KIF9: variants seen among roughly 807,000 people sequenced by gnomAD.
The protein encoded by KIF9 is kinesin-like protein KIF9.
In KIF9, 68 loss-of-function variants were observed where a neutral mutation model predicts 94.8. That is an observed-to-expected ratio of 0.72 (90% confidence interval 0.59 to 0.88). KIF9 has a LOEUF of 0.88. KIF9 is among the 40% of genes least tolerant of loss of function. The probability of loss-of-function intolerance (pLI) is 0.00; values close to 1 mark genes in which losing one functional copy is unlikely to be tolerated. For missense variants in KIF9, 882 were observed against 982.5 expected (o/e 0.90, Z 1.37); for synonymous variants, 343 against 362.1 (o/e 0.95, Z 0.60).
chr3:47,277,438 GA>G, intron 1 of KIF9, 59 bp from the exon 2 acceptor site: 2 of 1,119,784 alleles, frequency 1.8e-6, no homozygotes, highest in South Asian at 2.5e-5. Context: ...AAGTAGAGGA[GA>G]GGGGTCATTC....
intron 20 of KIF9, among the ~76,000 whole-genome samples, chr3:47,232,190 G>A (rs1259152839): frequency 2.6e-5 from 4 of 152,326 alleles, no homozygotes; most frequent in East Asian, 1.9e-4. Context: ...CCTCTGAAGC[G>A]GAGGGCAAAC....
intron 5 of KIF9, among the ~76,000 whole-genome samples, chr3:47,268,301 T>C (rs1351022343): frequency 6.6e-6 from 1 of 152,136 alleles, no homozygotes; most frequent in Non-Finnish European, 1.5e-5. Flanking sequence ...AAATGGCTGT[T>C]CTTGGAGAAA....
Position 47,273,586 on chromosome 3 carries a change from T to C in KIF9, c.332A>G (p.Lys111Arg), listed in dbSNP as rs767842457. The C allele has an allele frequency of 3.1e-6, 5 of 1,612,912 alleles. No homozygotes were observed. Among genetic ancestry groups the C allele is most frequent in the Non-Finnish European group, 4.2e-6 (5 of 1,179,286 alleles). Residue 111 changes from lysine to arginine, a missense_variant, in exon 4 of 21, where the codon AAG becomes AGG. Physicochemically the swap from Lys to Arg is conservative, Grantham distance 26 (BLOSUM62 2). Coordinates refer to ENST00000684063, the MANE Select transcript of KIF9 (RefSeq NM_182902.4). ...YTMMGATENYKHRGILPRALQ... is the reference protein window; with the variant it reads ...YTMMGATENYRHRGILPRALQ... ...GGCACGAGGGAGGATCCCCCGGTGCTTGTAATTCTCAGTTGCCCCCATCAT... is the reference window on the plus strand; with the variant it reads ...GGCACGAGGGAGGATCCCCCGGTGCCTGTAATTCTCAGTTGCCCCCATCAT...
chr3:47,250,493 G>A, intron 10 of KIF9: 6 of 410,712 alleles, frequency 1.5e-5, no homozygotes, highest in South Asian at 1.1e-4. Context: ...TAGATTTTAG[G>A]TAAGTAAATA....
intron 16 of KIF9, among the ~76,000 whole-genome samples, chr3:47,242,608 T>C (rs934026352): frequency 6.6e-6 from 1 of 152,246 alleles, no homozygotes; most frequent in Admixed American, 6.5e-5. Context: ...ATATTTTGCT[T>C]TTTAAATAAA....
intron 3 of KIF9, among the ~76,000 whole-genome samples, chr3:47,274,136 C>T (rs553865458): frequency 9.8e-5 from 15 of 152,320 alleles, no homozygotes; most frequent in African/African-American, 3.1e-4. Context: ...GTGGAAAGGG[C>T]ATTTTCTGTC....
In KIF9 at chr3:47,235,563, C is replaced by G; in HGVS notation, c.2272G>C (p.Gly758Arg). ...SQLQQRVLPEGPDSISFYNAK... is the reference protein window; with the variant it reads ...SQLQQRVLPERPDSISFYNAK... ...TTGTAGAAGGAGATGGAATCAGGGCCCTCAGGAAGCACCCTCTGCTGCAGC... is the reference window on the plus strand; with the variant it reads ...TTGTAGAAGGAGATGGAATCAGGGCGCTCAGGAAGCACCCTCTGCTGCAGC... The change falls in exon 20 of 21, where the codon GGC becomes CGC. Residue 758 changes from glycine to arginine, a missense_variant. By Grantham distance (125) the Gly-to-Arg change is moderately radical. Transcript: ENST00000684063. 6.2e-7 allele frequency: 1 copy of G among 1,614,078 alleles called. No homozygotes were observed. Among genetic ancestry groups the G allele is most frequent in the Non-Finnish European group, 8.5e-7 (1 of 1,179,980 alleles).
chr3:47,233,232 G>A (rs1034600548), intron 20 of KIF9, among the ~76,000 whole-genome samples: 1 of 150,886 alleles, frequency 6.6e-6, no homozygotes, highest in South Asian at 2.1e-4. Context: ...GTGTGGTTGC[G>A]GGTGCCTGTA....
chr3:47,277,993 A>AGTGTGTGT (rs147140971), intron 1 of KIF9, among the ~76,000 whole-genome samples: 316 of 150,206 alleles, frequency 2.1e-3, no homozygotes, highest in Middle Eastern at 6.9e-3. Context: ...ATTTTCTTTC[A>AGTGTGTGT]GTGTGTGTGT....
chr3:47,245,035 A>G, intron 14 of KIF9, 111 bp from the exon 15 acceptor site: 1 of 1,425,424 alleles, frequency 7.0e-7, no homozygotes, highest in African/African-American at 1.4e-5. Context: ...CACCATACAC[A>G]CCAAGGTTTG....
intron 10 of KIF9, among the ~76,000 whole-genome samples, chr3:47,254,169 G>A (rs1700432148): frequency 6.6e-6 from 1 of 152,174 alleles, no homozygotes; most frequent in South Asian, 2.1e-4. Context: ...GAAAGTGTAG[G>A]TATTTTGGCC....
In KIF9 at chr3:47,244,991, A is replaced by G. The variant is rs916525563; in HGVS notation, c.1381-67T>C. The G allele has an allele frequency of 3.9e-5, 62 of 1,591,634 alleles. No homozygotes were observed. In the African/African-American group the frequency reaches 7.3e-4, roughly 19 times the overall value. Reference sequence around the variant, plus strand: ...GGGCTTGGACCCCTTGGGGACCCACATGTATATGGCCCAAGGCTCAGGGTG... The same window carrying G: ...GGGCTTGGACCCCTTGGGGACCCACGTGTATATGGCCCAAGGCTCAGGGTG... On this transcript the variant is annotated intron_variant, in intron 14 of 20. Coordinates refer to ENST00000684063, the MANE Select transcript of KIF9 (RefSeq NM_182902.4).
At position 47,275,374 on chromosome 3, in the gene KIF9, A is replaced by G. The variant is rs754348283; in HGVS notation, c.210T>C (p.Tyr70=). 9 of 1,614,080 alleles carry G rather than the reference A, an allele frequency of 5.6e-6. No individual in the cohort carries two copies. Among genetic ancestry groups the G allele is most frequent in the Non-Finnish European group, 7.6e-6 (9 of 1,179,950 alleles). ...VLHDASQDLV[Y]ETVAKDVVSQ... ...AAACCACATCCTTTGCAACTGTCTCATAAACCAAGTCCTGGGAGGCATCGT... is the reference window on the plus strand; with the variant it reads ...AAACCACATCCTTTGCAACTGTCTCGTAAACCAAGTCCTGGGAGGCATCGT... Residue 70 remains tyrosine, a synonymous_variant, in exon 3 of 21, where the codon TAT becomes TAC. Coordinates refer to ENST00000684063, the MANE Select transcript of KIF9 (RefSeq NM_182902.4).
At chr3:47,279,544 A>T (rs1250516960) in intron 1 of KIF9, among the ~76,000 whole-genome samples, 1 of 152,080 alleles carries the variant, frequency 6.6e-6, no homozygotes, top group Non-Finnish European at 1.5e-5. Flanking sequence ...CCTCATGTAT[A>T]ACAGGGACTA....
intron 7 of KIF9, 190 bp from the exon 8 acceptor site, chr3:47,266,067 C>T (rs1477791614): frequency 1.8e-6 from 1 of 558,480 alleles, no homozygotes; most frequent in East Asian, 2.9e-5. Flanking sequence ...AATACCAAAA[C>T]TCAGAAATAT....
chr3:47,237,181 C>T (rs1287270912), intron 17 of KIF9, among the ~76,000 whole-genome samples: 1 of 152,138 alleles, frequency 6.6e-6, no homozygotes, highest in Non-Finnish European at 1.5e-5. Context: ...TGCAACTCTG[C>T]CTCCCGAGTT....
At chr3:47,256,519 G>A (rs552864073) in intron 10 of KIF9, among the ~76,000 whole-genome samples, 1 of 151,406 alleles carries the variant, frequency 6.6e-6, no homozygotes, top group Non-Finnish European at 1.5e-5. Flanking sequence ...GGAGGGAGGT[G>A]GGGGGGTCGG....
Position 47,228,578 on chromosome 3 carries a change from C to T in KIF9, c.*74G>A. The T allele has an allele frequency of 8.2e-7, 1 of 1,213,634 alleles. No individual in the cohort carries two copies. Among genetic ancestry groups the T allele is most frequent in the Admixed American group, 1.7e-5 (1 of 59,398 alleles). The allele number at this position is 1,213,634 out of a possible 1,614,324, so 75.2% of individuals were successfully genotyped here. A position where few individuals can be genotyped will look rare whatever the true frequency, so the allele number is the denominator to read the frequency against. Reference sequence around the variant, plus strand: ...GAGTAGAGGGGGCTGCAGCTCTGGGCAGGTGGTTGAGCAGCTCCACTACAG... The same window carrying T: ...GAGTAGAGGGGGCTGCAGCTCTGGGTAGGTGGTTGAGCAGCTCCACTACAG... On this transcript the variant is annotated 3_prime_UTR_variant, in exon 21 of 21. Coordinates refer to ENST00000684063, the MANE Select transcript of KIF9 (RefSeq NM_182902.4).
intron 13 of KIF9, 30 bp from the exon 14 acceptor site, chr3:47,245,541 T>C (rs768711101): frequency 6.5e-7 from 1 of 1,545,238 alleles, no homozygotes; most frequent in South Asian, 1.1e-5. Context: ...GAACAGCTTG[T>C]ACCTGGGGCC....
Sources: gnomAD v4.1 joint callset for allele counts (sites outside exome capture counted in the v4.1 genomes callset) on GRCh38, gnomAD v4.1.1 for gene constraint, MANE v1.5 for transcripts, NCBI Gene and HGNC (gene_info 2026-07-23, HGNC 2026-07-21) for gene names.